Variants in SHANK2 observed in about 807,000 individuals in gnomAD.
SHANK2 encodes the protein SH3 and multiple ankyrin repeat domains 2.
In SHANK2, 43 loss-of-function variants were observed where a neutral mutation model predicts 133.7. The observed-to-expected ratio is 0.32, with a 90% CI of 0.25 to 0.41. The LOEUF (loss-of-function observed/expected upper bound fraction) is 0.41. Among genes scored for constraint, SHANK2 ranks in the 10% least tolerant of loss-of-function variants. The pLI is 1.00. For synonymous variants in SHANK2, 1,017 were observed against 952.8 expected, an observed-to-expected ratio of 1.07 and a Z score of -1.24; for missense variants, 1,994 against 2,235.8, an observed-to-expected ratio of 0.89 and a Z score of 2.18.
In SHANK2 at chr11:71,222,380, G is replaced by A. The variant is rs80142248; in HGVS notation, c.-13+2317C>T. ...CAGGGCTGCTGCTCTGGAAGCAAGCGCTCCCCATCACTTGTGAGCCAACGG... is the reference window on the plus strand; with the variant it reads ...CAGGGCTGCTGCTCTGGAAGCAAGCACTCCCCATCACTTGTGAGCCAACGG... On this transcript the variant is annotated intron_variant, in intron 2 of 25. Transcript: ENST00000601538. Among the ~76,000 whole-genome samples, 847 of 152,292 alleles carry A rather than the reference G, an allele frequency of 5.6e-3. 4 individuals are homozygous for A. The highest frequency in any genetic ancestry group is 0.019 in the African/African-American group (805 of 41,568).
intron 14 of SHANK2, among the ~76,000 whole-genome samples, chr11:70,731,729 T>G (rs1322056290): frequency 6.6e-6 from 1 of 152,230 alleles, no homozygotes; most frequent in African/African-American, 2.4e-5. Flanking sequence ...GCACAGGGAC[T>G]TGTCTGGACA....
At chr11:71,139,514 AAAAT>A (rs1342330712) in intron 3 of SHANK2, among the ~76,000 whole-genome samples, 2 of 151,986 alleles carry the variant, frequency 1.3e-5, no homozygotes, top group African/African-American at 2.4e-5. Flanking sequence ...ATAATAAAAT[AAAAT>A]AAATAAATAA....
At chr11:70,914,668 T>TAAATAAAATATAAAATAAAATA (rs1950243287) in intron 10 of SHANK2, among the ~76,000 whole-genome samples, 1 of 107,294 alleles carries the variant, frequency 9.3e-6, no homozygotes, top group African/African-American at 3.7e-5. Flanking sequence ...ACAAAAAAAA[T>TAAATAAAATATAAAATAAAATA]AAATAAAATA....
At chr11:70,507,668 C>T (rs938251054) in intron 17 of SHANK2, among the ~76,000 whole-genome samples, 3 of 152,078 alleles carry the variant, frequency 2.0e-5, no homozygotes, top group South Asian at 2.1e-4. Flanking sequence ...TGGACAGACA[C>T]GGACATGAGG....
chr11:70,934,520 A>G (rs1950545609), intron 10 of SHANK2, among the ~76,000 whole-genome samples: 1 of 152,184 alleles, frequency 6.6e-6, no homozygotes, highest in Admixed American at 6.5e-5. Flanking sequence ...CCGAGGCCAG[A>G]TGAGATGATG....
intron 13 of SHANK2, among the ~76,000 whole-genome samples, chr11:70,805,646 C>T (rs1216908847): frequency 6.6e-6 from 1 of 152,166 alleles, no homozygotes. Context: ...CACCAACCTA[C>T]AGTGTTGTAA....
At chr11:70,614,183 C>A (rs1375141017) in intron 17 of SHANK2, among the ~76,000 whole-genome samples, 1 of 152,200 alleles carries the variant, frequency 6.6e-6, no homozygotes, top group African/African-American at 2.4e-5. Context: ...CCACCAGAAG[C>A]TGGAAGAGGC....
intron 17 of SHANK2, among the ~76,000 whole-genome samples, chr11:70,547,809 T>C (rs1462670863): frequency 6.6e-6 from 1 of 152,266 alleles, no homozygotes; most frequent in Non-Finnish European, 1.5e-5. Flanking sequence ...AAAGGAATCC[T>C]TGGTCCCCAT....
At chr11:70,573,084 A>G (rs1402830551) in intron 17 of SHANK2, among the ~76,000 whole-genome samples, 1 of 152,116 alleles carries the variant, frequency 6.6e-6, no homozygotes, top group African/African-American at 2.4e-5. Flanking sequence ...GGACTGCCGG[A>G]ACACACACGC....
chr11:71,095,471 T>C (rs2135130301), intron 6 of SHANK2, among the ~76,000 whole-genome samples: 1 of 152,306 alleles, frequency 6.6e-6, no homozygotes, highest in African/African-American at 2.4e-5. Context: ...AGTTCCTCAT[T>C]TGAGAGGCTC....
rs1441628813 is a variant in SHANK2, at chr11:70,743,178, A to G, written c.1778-44415T>C. ...CAGAATGATCGATAACAGCACAGCC[A>G]GGAACGCAGGAGCTGCAGGAGCTAG... On this transcript the variant is annotated intron_variant, in intron 14 of 25. Coordinates refer to ENST00000601538, the MANE Select transcript of SHANK2 (RefSeq NM_012309.5). Among the ~76,000 whole-genome samples, 4 of 152,204 alleles carry G rather than the reference A, an allele frequency of 2.6e-5. No individual in the cohort carries two copies. The East Asian group carries it at 7.7e-4, about 29-fold the overall frequency.
chr11:71,133,513 A>G (rs1181036710), intron 3 of SHANK2, among the ~76,000 whole-genome samples: 2 of 141,772 alleles, frequency 1.4e-5, no homozygotes, highest in Admixed American at 1.4e-4. Flanking sequence ...TGGCAGGCAG[A>G]CAGGCAGGCA....
chr11:70,713,050 C>A (rs1555026515), intron 14 of SHANK2, among the ~76,000 whole-genome samples: 3 of 152,242 alleles, frequency 2.0e-5, no homozygotes, highest in African/African-American at 7.2e-5. Flanking sequence ...GGGAAGTTTG[C>A]CAAAAGAATC....
intron 11 of SHANK2, among the ~76,000 whole-genome samples, chr11:70,844,720 G>A (rs1475108667): frequency 6.6e-6 from 1 of 152,122 alleles, no homozygotes; most frequent in Non-Finnish European, 1.5e-5. Context: ...TCAATAACAC[G>A]GCGGAGAACA....
intron 17 of SHANK2, among the ~76,000 whole-genome samples, chr11:70,651,604 C>T (rs956480314): frequency 5.9e-5 from 9 of 152,170 alleles, no homozygotes; most frequent in African/African-American, 1.2e-4. Flanking sequence ...AGAGTAAAGG[C>T]CCCCAATGCT....
At chr11:70,784,877 G>T (rs1565314180) in intron 14 of SHANK2, among the ~76,000 whole-genome samples, 1 of 152,206 alleles carries the variant, frequency 6.6e-6, no homozygotes, top group Admixed American at 6.5e-5. Context: ...CGCTATTGGG[G>T]GCTGCTGTCC....
Position 71,065,780 on chromosome 11 carries a change from G to A in SHANK2, c.1030-9222C>T, listed in dbSNP as rs1331551706. The stretch of plus-strand genomic sequence containing the variant: ...CAGTGAGTGGCGAAGTTGGGGAGGA[G>A]GGGTACAGAACTCTCCCAGGGAGAT... On this transcript the variant is annotated intron_variant, in intron 9 of 25. Transcript: ENST00000601538. Among the ~76,000 whole-genome samples the A allele has an allele frequency of 8.2e-5, 11 of 134,192 alleles. No homozygotes were observed. In the East Asian group the frequency reaches 2.6e-3, roughly 32 times the overall value. The allele number at this position is 134,192 out of a possible 152,430, so 88.0% of individuals were successfully genotyped here. A position where few individuals can be genotyped will look rare whatever the true frequency, so the allele number is the denominator to read the frequency against.
At chr11:70,861,979 G>A (rs1478791649) in intron 11 of SHANK2, among the ~76,000 whole-genome samples, 1 of 152,074 alleles carries the variant, frequency 6.6e-6, no homozygotes, top group Non-Finnish European at 1.5e-5. Flanking sequence ...CAGAGAGCAG[G>A]GGGCAGGGGC....
chr11:71,057,892 G>A (rs1372810470), intron 9 of SHANK2, among the ~76,000 whole-genome samples: 1 of 142,560 alleles, frequency 7.0e-6, no homozygotes, highest in Non-Finnish European at 1.5e-5. Context: ...ATTATTTAAT[G>A]TTGTTAAAAG....
Sources: allele counts gnomAD v4.1 joint callset (sites outside exome capture counted in the v4.1 genomes callset), GRCh38; gene constraint gnomAD v4.1.1; transcripts MANE v1.5; gene names NCBI Gene and HGNC (gene_info 2026-07-23, HGNC 2026-07-21).